Variants in TSPAN18 observed in about 807,000 individuals in gnomAD.
TSPAN18 encodes tetraspanin 18, also known as tetraspanin-18.
In TSPAN18, 14 loss-of-function variants were observed where a neutral mutation model predicts 27.3. The ratio of observed to expected loss-of-function variants is 0.51; its 90% CI spans 0.34 to 0.80. The LOEUF (loss-of-function observed/expected upper bound fraction) is 0.80, where lower values mean the gene tolerates loss of function less well. TSPAN18 is among the 30% of genes least tolerant of loss of function. The probability of loss-of-function intolerance (pLI) is 0.01; values close to 1 mark genes in which losing one functional copy is unlikely to be tolerated. For synonymous variants in TSPAN18, 143 were observed against 136.5 expected (o/e 1.05, Z -0.33); for missense variants, 268 against 323.9 (o/e 0.83, Z 1.32).
At chr11:44,762,419 A>C (rs77327385) in intron 1 of TSPAN18, among the ~76,000 whole-genome samples, 1 of 152,208 alleles carries the variant, frequency 6.6e-6, no homozygotes, top group South Asian at 2.1e-4. Context: ...ACATAGGTAC[A>C]TGCTTACACA....
At chr11:44,794,636 C>T (rs1158674063) in intron 2 of TSPAN18, among the ~76,000 whole-genome samples, 1 of 151,898 alleles carries the variant, frequency 6.6e-6, no homozygotes, top group Non-Finnish European at 1.5e-5. Context: ...CCACTGCACT[C>T]CAGCCTGGGC....
chr11:44,818,593 T>TC (rs1394642398), intron 2 of TSPAN18, among the ~76,000 whole-genome samples: 1 of 151,914 alleles, frequency 6.6e-6, no homozygotes, highest in African/African-American at 2.4e-5. Context: ...AGCTAGAGCA[T>TC]CCCCCATTCC....
intron 5 of TSPAN18, among the ~76,000 whole-genome samples, chr11:44,913,364 C>T (rs1859793382): frequency 6.6e-6 from 1 of 152,200 alleles, no homozygotes; most frequent in South Asian, 2.1e-4. Context: ...ATCTAAAGGT[C>T]CATTTCCCAA....
At chr11:44,892,749 G>C (rs1045751418) in intron 3 of TSPAN18, among the ~76,000 whole-genome samples, 1 of 152,216 alleles carries the variant, frequency 6.6e-6, no homozygotes. Context: ...CTGGAAGACA[G>C]CCAGGGCAGA....
chr11:44,742,454 G>A (rs569146832), intron 1 of TSPAN18, among the ~76,000 whole-genome samples: 5 of 150,962 alleles, frequency 3.3e-5, no homozygotes, highest in Admixed American at 1.3e-4. Context: ...GACTTTTGCC[G>A]AAGGTTTGAA....
intron 2 of TSPAN18, among the ~76,000 whole-genome samples, chr11:44,847,443 GA>G (rs1244508599): frequency 6.6e-6 from 1 of 152,254 alleles, no homozygotes; most frequent in East Asian, 1.9e-4. Context: ...TAATGTTTGG[GA>G]GGTTCATCCA....
chr11:44,832,059 C>G (rs773093891), intron 2 of TSPAN18, among the ~76,000 whole-genome samples: 1 of 152,108 alleles, frequency 6.6e-6, no homozygotes, highest in Non-Finnish European at 1.5e-5. Flanking sequence ...CCATCACTCC[C>G]CTAACTGGAA....
intron 3 of TSPAN18, among the ~76,000 whole-genome samples, chr11:44,894,247 C>T (rs1366882334): frequency 6.6e-6 from 1 of 152,210 alleles, no homozygotes; most frequent in Non-Finnish European, 1.5e-5. Flanking sequence ...CTGGCTCAGG[C>T]TTATGGCTGG....
intron 2 of TSPAN18, among the ~76,000 whole-genome samples, chr11:44,856,978 T>C (rs1857755930): frequency 6.6e-6 from 1 of 152,204 alleles, no homozygotes; most frequent in African/African-American, 2.4e-5. Context: ...TACTGCTGCG[T>C]AAATGGCCTT....
chr11:44,790,055 G>A (rs1037252744), intron 2 of TSPAN18, among the ~76,000 whole-genome samples: 11 of 152,226 alleles, frequency 7.2e-5, no homozygotes, highest in African/African-American at 4.8e-5. Context: ...TGAGACCTCA[G>A]ACATCATGGG....
At chr11:44,752,775 T>C (rs577706524) in intron 1 of TSPAN18, among the ~76,000 whole-genome samples, 5 of 152,336 alleles carry the variant, frequency 3.3e-5, no homozygotes, top group South Asian at 4.1e-4. Flanking sequence ...TATGTAGGCA[T>C]TGGAGAAAGA....
At chr11:44,927,801 A>G (rs921064540) in intron 9 of TSPAN18, among the ~76,000 whole-genome samples, 1 of 152,060 alleles carries the variant, frequency 6.6e-6, no homozygotes. Context: ...CCTCTCTCCA[A>G]ATGCAGGATG....
intron 3 of TSPAN18, chr11:44,897,727 T>C: frequency 5.5e-6 from 7 of 1,274,400 alleles, no homozygotes; most frequent in Non-Finnish European, 6.2e-6. Context: ...CTGTAGTAAT[T>C]GAATATTTTC....
chr11:44,797,689 T>C (rs1856381042), intron 2 of TSPAN18, among the ~76,000 whole-genome samples: 1 of 152,140 alleles, frequency 6.6e-6, no homozygotes, highest in Non-Finnish European at 1.5e-5. Context: ...GCAAAGGCAC[T>C]GACGGGATGA....
intron 2 of TSPAN18, among the ~76,000 whole-genome samples, chr11:44,790,853 C>A (rs1856201814): frequency 6.6e-6 from 1 of 152,154 alleles, no homozygotes. Flanking sequence ...GCCAGGAGGA[C>A]AAATCATAGC....
intron 2 of TSPAN18, among the ~76,000 whole-genome samples, chr11:44,810,144 T>G (rs752249437): frequency 5.9e-5 from 9 of 152,190 alleles, no homozygotes; most frequent in Non-Finnish European, 8.8e-5. Flanking sequence ...TTTATTGAGG[T>G]GAAATGCACA....
chr11:44,761,730 C>T (rs1051414567), intron 1 of TSPAN18, among the ~76,000 whole-genome samples: 3 of 152,232 alleles, frequency 2.0e-5, no homozygotes, highest in Admixed American at 1.3e-4. Context: ...TTCACCCAGG[C>T]TGCGTGGCTG....
intron 2 of TSPAN18, among the ~76,000 whole-genome samples, chr11:44,807,527 C>CAGAAAAAAAAAA (rs1565158576): frequency 1.6e-5 from 1 of 64,482 alleles, no homozygotes; most frequent in Non-Finnish European, 2.7e-5. Flanking sequence ...AACTCCATCT[C>CAGAAAAAAAAAA]AAAAAAAAAA....
chr11:44,806,767 TG>T (rs1856601862), intron 2 of TSPAN18, among the ~76,000 whole-genome samples: 1 of 152,208 alleles, frequency 6.6e-6, no homozygotes, highest in Non-Finnish European at 1.5e-5. Context: ...TTGAATAATC[TG>T]GGAAGTCTTT....
Sources: gnomAD v4.1 joint callset for allele counts (sites outside exome capture counted in the v4.1 genomes callset) on GRCh38, gnomAD v4.1.1 for gene constraint, MANE v1.5 for transcripts, NCBI Gene and HGNC (gene_info 2026-07-23, HGNC 2026-07-21) for gene names.